TYRO3: variants seen among roughly 807,000 people sequenced by gnomAD.
TYRO3 encodes the protein tyrosine-protein kinase receptor TYRO3.
A neutral mutation model predicts 95.2 loss-of-function variants in TYRO3; 38 were observed. The ratio of observed to expected loss-of-function variants is 0.40; its 90% confidence interval spans 0.31 to 0.52. The LOEUF (loss-of-function observed/expected upper bound fraction) is 0.52, where lower values mean the gene tolerates loss of function less well. Ranked by LOEUF, TYRO3 falls within the 20% of genes least tolerant of loss-of-function variation. TYRO3 has a pLI of 0.56. For missense variants in TYRO3, 812 were observed against 1,116.4 expected (o/e 0.73, Z 3.89); for synonymous variants, 367 against 432.9 (o/e 0.85, Z 1.89).
At chr15:41,572,615 G>C in intron 15 of TYRO3, 51 bp downstream of exon 15, 1 of 1,407,330 alleles carries the variant, frequency 7.1e-7, no homozygotes, top group East Asian at 2.3e-5. Flanking sequence ...GGAACACAGG[G>C]CCTGGAAAGG....
At position 41,561,605 on chromosome 15, in the gene TYRO3, C is replaced by T. The variant is rs987305034; in HGVS notation, c.375C>T (p.Thr125=). 28 of 1,592,334 alleles carry T rather than the reference C, an allele frequency of 1.8e-5. No homozygotes were observed. Among genetic ancestry groups the T allele is most frequent in the Middle Eastern group, 3.3e-4 (2 of 6,066 alleles). Residue 125 remains threonine (T), a synonymous_variant, in exon 3 of 19, where the codon ACC becomes ACT. Transcript: ENST00000263798. ...GCCAGGTGGAGGATGGGGGTGAAAC[C>T]GAGATCTCCCAGCCAGTGTGGCTCA... ...YWCQVEDGGE[T]EISQPVWLTV... is the part of the protein sequence containing the mutation.
intron 1 of TYRO3, among the ~76,000 whole-genome samples, chr15:41,560,813 G>A (rs1042522287): frequency 4.0e-5 from 6 of 150,766 alleles, no homozygotes; most frequent in African/African-American, 1.5e-4. Flanking sequence ...CATTCCTAGA[G>A]CAGTGCCTGC....
intron 3 of TYRO3, 148 bp from the exon 4 acceptor site, chr15:41,562,400 C>G: frequency 1.6e-6 from 1 of 625,726 alleles, no homozygotes; most frequent in Non-Finnish European, 2.5e-6. Context: ...ACCTCTCAAG[C>G]TAGATGCCTG....
chr15:41,576,880 T>G (rs1472235704), intron 18 of TYRO3, among the ~76,000 whole-genome samples: 1 of 151,586 alleles, frequency 6.6e-6, no homozygotes. Context: ...TCCAGACTAG[T>G]CTCGAACTCC....
intron 14 of TYRO3, among the ~76,000 whole-genome samples, chr15:41,571,973 T>A (rs1189640188): frequency 8.6e-5 from 13 of 150,422 alleles, no homozygotes; most frequent in East Asian, 1.9e-4. Context: ...GCCTGGGCAG[T>A]ATAGCAACAG....
At chr15:41,562,445 G>A (rs899870851) in intron 3 of TYRO3, 103 bp from the exon 4 acceptor site, 29 of 1,191,940 alleles carry the variant, frequency 2.4e-5, no homozygotes, top group Non-Finnish European at 3.4e-5. Context: ...GGGCCTGTGG[G>A]AACCTTCTGC....
rs1427764125 is a variant in TYRO3, at chr15:41,573,964, G to A, written c.2282+149G>A. 7.1e-6 allele frequency: 6 copies of A among 844,338 alleles called. No individual in the cohort carries two copies. The East Asian group carries it at 1.6e-4, about 22-fold the overall frequency. The allele number at this position is 844,338 out of a possible 1,614,324, so 52.3% of individuals were successfully genotyped here. On this transcript the variant is annotated intron_variant, in intron 18 of 18. Transcript: ENST00000263798. The stretch of plus-strand genomic sequence containing the variant: ...GGCTGCACTCCACCTCATACTCACT[G>A]TTCATCTACCACCTCCCTGTTTTCT...
rs529826589 is a variant in TYRO3 at position 41,573,397 on chromosome 15, C to T, written c.2075C>T (p.Ser692Phe). The change falls in exon 17 of 19, where the codon TCC becomes TTC. Residue 692 changes from serine (S) to phenylalanine (F), a missense_variant. By Grantham distance (155) the Ser-to-Phe change is radical. Transcript: ENST00000263798. ...GACTACTATCGTCAAGGCTGTGCCT[C>T]CAAACTGCCTGTCAAGTGGCTGGCC... ...SGDYYRQGCA[S>F]KLPVKWLALE... 1 of 1,614,254 alleles carries T rather than the reference C, an allele frequency of 6.2e-7. No individual in the cohort carries two copies. Among genetic ancestry groups the T allele is most frequent in the Non-Finnish European group, 8.5e-7 (1 of 1,180,048 alleles).
rs747909090 is a variant in TYRO3 at position 41,573,678 on chromosome 15, G to T, written c.2146-1G>T. 2 of 1,614,264 alleles carry T rather than the reference G, an allele frequency of 1.2e-6. No homozygotes were observed. Among genetic ancestry groups the T allele is most frequent in the Non-Finnish European group, 1.7e-6 (2 of 1,180,050 alleles). On this transcript the variant is annotated splice_acceptor_variant, in intron 17 of 18. Coordinates refer to ENST00000263798, the MANE Select transcript of TYRO3 (RefSeq NM_006293.4). LOFTEE classifies it high-confidence loss of function. ...CTCCCCCAACCTCGATTCTGTCCCA[G>T]TGGGCGTTCGGGGTGACCATGTGGG...
chr15:41,571,590 C>G lies in TYRO3; in HGVS notation c.1661-5C>G. On this transcript the variant is annotated splice_region_variant and splice_polypyrimidine_tract_variant and intron_variant, in intron 13 of 18. Transcript: ENST00000263798. ...ATTTCCTCCTTCCCCATCCCCTTCT[C>G]CTAGCTGACATCATTGCCTCAAGCG... The G allele has an allele frequency of 8.6e-7, 1 of 1,161,538 alleles. No homozygotes were observed. Among genetic ancestry groups the G allele is most frequent in the Non-Finnish European group, 1.3e-6 (1 of 773,714 alleles). The allele number at this position is 1,161,538 out of a possible 1,614,324, so 72.0% of individuals were successfully genotyped here.
At chr15:41,577,683 T>G (rs1296389651) in intron 18 of TYRO3, 1 of 508,696 alleles carries the variant, frequency 2.0e-6, no homozygotes. Context: ...GACAGGGTTT[T>G]GCCATATTGC....
Position 41,568,271 on chromosome 15 carries a change from T to A in TYRO3, c.1016T>A (p.Ile339Asn). 5 of 1,613,616 alleles carry A rather than the reference T, an allele frequency of 3.1e-6. No individual in the cohort carries two copies. Among genetic ancestry groups the A allele is most frequent in the Non-Finnish European group, 4.2e-6 (5 of 1,179,988 alleles). ...GCCATCCGCACAGATTCAGGCCTCA[T>A]CTTGGAGTGGGAAGAAGTGATCCCC... ...LHAIRTDSGL[I>N]LEWEEVIPEA... Residue 339 changes from isoleucine (I) to asparagine (N), a missense_variant, in exon 8 of 19, where the codon ATC becomes AAC. By Grantham distance (149) the Ile-to-Asn change is moderately radical (BLOSUM62 -3). Coordinates refer to ENST00000263798, the MANE Select transcript of TYRO3 (RefSeq NM_006293.4).
intron 14 of TYRO3, 136 bp from the exon 15 acceptor site, chr15:41,572,307 T>C: frequency 7.8e-7 from 1 of 1,281,548 alleles, no homozygotes; most frequent in Admixed American, 2.2e-5. Flanking sequence ...CAGACCAGTG[T>C]GGAGCCTGTG....
Position 41,569,018 on chromosome 15 carries a change from T to C in TYRO3, c.1248T>C (p.Arg416=). ...CACTGGTGGTCTCTTCTCATGACCG[T>C]GCAGGTGAGGCTTGTAGGTGGAGAG... ...SQPLVVSSHD[R]AGQQGPPHSR... Residue 416 remains arginine, a synonymous_variant, in exon 9 of 19, where the codon CGT becomes CGC. Transcript: ENST00000263798. The C allele has an allele frequency of 6.2e-7, 1 of 1,613,936 alleles. No homozygotes were observed. The highest frequency in any genetic ancestry group is 8.5e-7 in the Non-Finnish European group (1 of 1,180,002).
At chr15:41,567,209 T>G in intron 6 of TYRO3, 151 bp from the exon 7 acceptor site, 1 of 503,684 alleles carries the variant, frequency 2.0e-6, no homozygotes, top group Non-Finnish European at 3.2e-6. Flanking sequence ...GAACCCTGTG[T>G]ATTATTGGGG....
intron 5 of TYRO3, chr15:41,564,820 A>C: frequency 1.8e-6 from 1 of 560,224 alleles, no homozygotes; most frequent in Non-Finnish European, 3.2e-6. Context: ...ACCTCTCTCC[A>C]CAGCCCAGGC....
At chr15:41,571,253 C>A in intron 13 of TYRO3, 135 bp downstream of exon 13, 1 of 791,502 alleles carries the variant, frequency 1.3e-6, no homozygotes, top group Non-Finnish European at 2.1e-6. Context: ...TGCTCTTTAC[C>A]ACACGAATAA....
At chr15:41,577,733 C>T in intron 18 of TYRO3, 153 bp from the exon 19 acceptor site, 2 of 718,620 alleles carry the variant, frequency 2.8e-6, no homozygotes, top group Non-Finnish European at 2.2e-6. Context: ...ATAATACCCC[C>T]CTTCGGCCTC....
chr15:41,570,413 T>C, intron 11 of TYRO3, 73 bp downstream of exon 11: 1 of 1,393,116 alleles, frequency 7.2e-7, no homozygotes, highest in South Asian at 1.3e-5. Context: ...TACCAAATTA[T>C]TAATTTGACT....
Sources: allele counts gnomAD v4.1 joint callset (sites outside exome capture counted in the v4.1 genomes callset), GRCh38; gene constraint gnomAD v4.1.1; transcripts MANE v1.5; gene names NCBI Gene and HGNC (gene_info 2026-07-23, HGNC 2026-07-21).